The following SRC variants were observed in gnomAD, a reference collection of about 807,000 sequenced individuals.
SRC encodes SRC proto-oncogene, non-receptor tyrosine kinase.
Under a neutral mutation model 62.9 loss-of-function variants are expected in SRC, and 13 were observed. The ratio of observed to expected loss-of-function variants is 0.21; its 90% CI spans 0.13 to 0.33. SRC has a LOEUF of 0.33. SRC is among the 10% of genes least tolerant of loss of function. SRC has a pLI of 1.00. For synonymous variants in SRC, 302 were observed against 317.5 expected (o/e 0.95, Z 0.52); for missense variants, 457 against 737.3 (o/e 0.62, Z 4.40).
intron 1 of SRC, among the ~76,000 whole-genome samples, chr20:37,358,408 C>A (rs1014909464): frequency 6.6e-6 from 1 of 152,156 alleles, no homozygotes; most frequent in East Asian, 1.9e-4. Flanking sequence ...ATACCCAACA[C>A]CACTTTCCAC....
intron 2 of SRC, 68 bp downstream of exon 2, chr20:37,365,345 C>CAT (rs1246132487): frequency 6.6e-6 from 1 of 151,458 alleles, no homozygotes; most frequent in African/African-American, 2.4e-5. Context: ...CACACACACA[C>CAT]ACACACACAC....
At chr20:37,394,690 C>A (rs1385107649) in intron 7 of SRC, among the ~76,000 whole-genome samples, 2 of 152,190 alleles carry the variant, frequency 1.3e-5, no homozygotes, top group Non-Finnish European at 2.9e-5. Flanking sequence ...GTCCCTGCCC[C>A]TCTCCTGTCC....
At chr20:37,346,771 C>A (rs1330475273) in intron 1 of SRC, among the ~76,000 whole-genome samples, 1 of 152,202 alleles carries the variant, frequency 6.6e-6, no homozygotes, top group Admixed American at 6.5e-5. Context: ...TCGGGTAGGG[C>A]CTGGTGCTGC....
chr20:37,374,346 G>A (rs1247270323), intron 2 of SRC, among the ~76,000 whole-genome samples: 1 of 152,004 alleles, frequency 6.6e-6, no homozygotes, highest in Non-Finnish European at 1.5e-5. Flanking sequence ...CCAAAGTGCT[G>A]GGATTACAGG....
At position 37,402,002 on chromosome 20, in the gene SRC, C is replaced by CTTT; in HGVS notation, c.1116+333_1116+335dup. ...TTGCTGTAGGCAGTGGTCAACAAGC[C>CTTT]TTTTTTTTTTTCATTTAATCCTCAT... On this transcript the variant is annotated intron_variant, in intron 11 of 13. Transcript: ENST00000373578. This position sits in a 1 kb window ranked among gnomAD's most constrained non-coding sequence, Gnocchi z 6.2. 6.6e-6 allele frequency: 2 copies of CTTT among 301,268 alleles called. No individual in the cohort carries two copies. Among genetic ancestry groups the CTTT allele is most frequent in the Non-Finnish European group, 1.2e-5 (2 of 166,156 alleles). The allele number at this position is 301,268 out of a possible 1,614,324, so 18.7% of individuals were successfully genotyped here. A position where few individuals can be genotyped will look rare whatever the true frequency, so the allele number is the denominator to read the frequency against.
intron 5 of SRC, among the ~76,000 whole-genome samples, chr20:37,389,276 C>G (rs1022336789): frequency 1.3e-5 from 2 of 152,160 alleles, no homozygotes; most frequent in Admixed American, 6.5e-5. Context: ...GGGTCTGACT[C>G]TGGGTTGCTC....
At chr20:37,373,892 T>C (rs543491321) in intron 2 of SRC, among the ~76,000 whole-genome samples, 49 of 152,290 alleles carry the variant, frequency 3.2e-4, no homozygotes, top group Non-Finnish European at 5.6e-4. Context: ...AATTACTGTG[T>C]CTTTATAGTA....
intron 5 of SRC, chr20:37,386,501 CG>C: frequency 2.2e-6 from 1 of 447,314 alleles, no homozygotes. Context: ...CCGTGGGCGG[CG>C]GGCTGGGCGG....
Position 37,404,083 on chromosome 20 carries a change from A to C in SRC, c.*704A>C. The C allele has an allele frequency of 4.3e-6, 1 of 234,176 alleles. No individual in the cohort carries two copies. 14.5% of individuals were successfully genotyped at this position (234,176 alleles called of 1,614,324 possible). A position where few individuals can be genotyped will look rare whatever the true frequency, so the allele number is the denominator to read the frequency against. ...TGAGAGCGGGGATGTGACATGCCCA[A>C]GGCCACGGAGCAGTTCAGAGTGGAG... is the stretch of plus-strand genomic sequence containing the variant. On this transcript the variant is annotated 3_prime_UTR_variant, in exon 14 of 14. Coordinates refer to ENST00000373578, the MANE Select transcript of SRC (RefSeq NM_198291.3).
intron 1 of SRC, among the ~76,000 whole-genome samples, chr20:37,348,468 A>G (rs900934791): frequency 6.6e-6 from 1 of 152,174 alleles, no homozygotes; most frequent in Non-Finnish European, 1.5e-5. Flanking sequence ...CCTGCTGCGT[A>G]CCAGGAACTT....
At chr20:37,345,873 C>T (rs2069708290), upstream of SRC, among the ~76,000 whole-genome samples, 2 of 152,162 alleles carry the variant, frequency 1.3e-5, no homozygotes, top group African/African-American at 4.8e-5. Flanking sequence ...GTGCGGCGCC[C>T]TGGCGGAGTG....
At chr20:37,375,673 C>T (rs1356647516) in intron 2 of SRC, among the ~76,000 whole-genome samples, 1 of 152,208 alleles carries the variant, frequency 6.6e-6, no homozygotes, top group Non-Finnish European at 1.5e-5. Context: ...CCACACCCAA[C>T]CCTCTTTTTC....
intron 1 of SRC, among the ~76,000 whole-genome samples, chr20:37,361,260 A>C (rs1600963053): frequency 6.6e-6 from 1 of 152,122 alleles, no homozygotes; most frequent in African/African-American, 2.4e-5. Context: ...TCCTGTGATC[A>C]CCAGGCTGGA....
Position 37,400,181 on chromosome 20 carries a change from C to A in SRC, c.926C>A (p.Ala309Asp). Residue 309 changes from alanine to aspartate, a missense_variant, in exon 10 of 14, where the codon GCC becomes GAC. Coordinates refer to ENST00000373578, the MANE Select transcript of SRC (RefSeq NM_198291.3). Reference protein sequence around the residue: ...TLKPGTMSPEAFLQEAQVMKK... With the variant: ...TLKPGTMSPEDFLQEAQVMKK... ...AAGCCTGGCACGATGTCTCCAGAGG[C>A]CTTCCTGCAGGAGGCCCAGGTCATG... The A allele has an allele frequency of 6.2e-7, 1 of 1,613,988 alleles. No homozygotes were observed. The highest frequency in any genetic ancestry group is 8.5e-7 in the Non-Finnish European group (1 of 1,179,940).
chr20:37,396,077 T>G lies in SRC; in HGVS notation c.554-85T>G. The stretch of plus-strand genomic sequence containing the variant: ...GCCTGGGCCTCCCTTCCCTCCAATG[T>G]CAGGCAGGCACAGAACGGTGTCCAG... On this transcript the variant is annotated intron_variant, in intron 7 of 13. Coordinates refer to ENST00000373578, the MANE Select transcript of SRC (RefSeq NM_198291.3). The surrounding 1 kb of genome is among the most constrained non-coding windows in gnomAD (Gnocchi z 6.1). 6 of 1,534,820 alleles carry G rather than the reference T, an allele frequency of 3.9e-6. No homozygotes were observed. The highest frequency in any genetic ancestry group is 2.6e-6 in the Non-Finnish European group (3 of 1,139,798).
intron 2 of SRC, among the ~76,000 whole-genome samples, chr20:37,374,559 T>C (rs2147002218): frequency 6.9e-6 from 1 of 145,594 alleles, no homozygotes; most frequent in East Asian, 2.0e-4. Context: ...TACCAAATAC[T>C]ATAATAATAC....
At position 37,384,542 on chromosome 20, in the gene SRC, C is replaced by CG; in HGVS notation, c.250+139_250+140insG. 2.0e-6 allele frequency: 1 copy of CG among 493,278 alleles called. No homozygotes were observed. The highest frequency in any genetic ancestry group is 2.9e-6 in the Non-Finnish European group (1 of 339,764). The allele number at this position is 493,278 out of a possible 1,614,324, so 30.6% of individuals were successfully genotyped here. A position where few individuals can be genotyped will look rare whatever the true frequency, so the allele number is the denominator to read the frequency against. Reference sequence around the variant, plus strand: ...TAGCGCCCCTGGGTGACTTGGGTGTCCGGGGGGTGGGGGGGCGGCCGTACA... The same window carrying CG: ...TAGCGCCCCTGGGTGACTTGGGTGTCGCGGGGGGTGGGGGGGCGGCCGTACA... On this transcript the variant is annotated intron_variant, in intron 4 of 13. Transcript: ENST00000373578. This position sits in a 1 kb window ranked among gnomAD's most constrained non-coding sequence, Gnocchi z 6.7.
chr20:37,368,554 T>G (rs1600973343), intron 2 of SRC, among the ~76,000 whole-genome samples: 3 of 135,792 alleles, frequency 2.2e-5, no homozygotes, highest in South Asian at 2.5e-4. Context: ...GTTTTTTTTT[T>G]TTTTGTTTTT....
chr20:37,383,208 T>C (rs935352542), intron 3 of SRC, among the ~76,000 whole-genome samples: 4 of 152,140 alleles, frequency 2.6e-5, no homozygotes, highest in African/African-American at 9.7e-5. Context: ...GTGAAAGGAT[T>C]TGGGGAACAC....
Sources: allele counts gnomAD v4.1 joint callset (sites outside exome capture counted in the v4.1 genomes callset), GRCh38; gene constraint gnomAD v4.1.1; non-coding constraint Gnocchi (gnomAD v3.1); transcripts MANE v1.5; gene names NCBI Gene and HGNC (gene_info 2026-07-23, HGNC 2026-07-21).